SIL1: variants seen among roughly 807,000 people sequenced by gnomAD.
SIL1 encodes SIL1 nucleotide exchange factor, also known as nucleotide exchange factor SIL1.
SIL1 carries 40 observed loss-of-function variants against 49.1 expected under a neutral mutation model. The observed-to-expected ratio is 0.81, with a 90% CI of 0.63 to 1.06. The LOEUF (loss-of-function observed/expected upper bound fraction) is 1.06, where lower values mean the gene tolerates loss of function less well. SIL1 is among the 50% of genes least tolerant of loss of function. The probability of loss-of-function intolerance (pLI) is 0.00; values close to 1 mark genes in which losing one functional copy is unlikely to be tolerated. For missense variants in SIL1, 500 were observed against 572.6 expected (o/e 0.87, Z 1.29); for synonymous variants, 253 against 250.8 (o/e 1.01, Z -0.08).
At chr5:139,076,615 G>A (rs1011977709) in intron 3 of SIL1, among the ~76,000 whole-genome samples, 1 of 152,112 alleles carries the variant, frequency 6.6e-6, no homozygotes. Context: ...CAATTTGGAG[G>A]AGTAAATCTG....
intron 7 of SIL1, among the ~76,000 whole-genome samples, chr5:138,991,541 G>A (rs1366035412): frequency 1.3e-5 from 2 of 152,158 alleles, no homozygotes; most frequent in Admixed American, 6.5e-5. Context: ...CCCTAAAAAA[G>A]CCCCAAGACT....
intron 7 of SIL1, among the ~76,000 whole-genome samples, chr5:139,015,982 G>A (rs1044145362): frequency 1.4e-4 from 22 of 152,188 alleles, no homozygotes; most frequent in Non-Finnish European, 1.6e-4. Flanking sequence ...CAGCCACTCA[G>A]AAAGCTGGGG....
intron 1 of SIL1, 119 bp from the exon 2 acceptor site, chr5:139,127,972 A>G (rs1750787188): frequency 1.4e-6 from 1 of 719,462 alleles, no homozygotes; most frequent in Non-Finnish European, 2.5e-6. Context: ...ATAGAGGTAT[A>G]ACGAGTCTTC....
intron 1 of SIL1, 94 bp downstream of exon 1, chr5:139,198,175 G>C (rs1281555734): frequency 6.6e-6 from 1 of 152,344 alleles, no homozygotes; most frequent in Non-Finnish European, 1.5e-5. Context: ...GAACACTGCT[G>C]GGAAGGCGCC....
chr5:139,112,703 C>T (rs1287962679), intron 3 of SIL1, among the ~76,000 whole-genome samples: 10 of 149,104 alleles, frequency 6.7e-5, no homozygotes, highest in South Asian at 6.4e-4. Flanking sequence ...GCCCGGCCGC[C>T]GCCCCGTGCG....
At chr5:139,077,138 A>G (rs1172995516) in intron 3 of SIL1, among the ~76,000 whole-genome samples, 3 of 152,176 alleles carry the variant, frequency 2.0e-5, no homozygotes, top group Non-Finnish European at 4.4e-5. Flanking sequence ...CATCTCAAAA[A>G]AGAAAAAGCA....
At chr5:139,003,116 G>A (rs1581020587) in intron 7 of SIL1, among the ~76,000 whole-genome samples, 1 of 152,074 alleles carries the variant, frequency 6.6e-6, no homozygotes, top group African/African-American at 2.4e-5. Context: ...CTCAGGAGCT[G>A]GGGAAAGGCA....
chr5:139,095,031 A>G (rs1309506786), intron 3 of SIL1, among the ~76,000 whole-genome samples: 1 of 152,168 alleles, frequency 6.6e-6, no homozygotes, highest in African/African-American at 2.4e-5. Flanking sequence ...CCTTTGTCTC[A>G]TCATACCATA....
chr5:138,977,748 G>A (rs1767423624), intron 7 of SIL1, among the ~76,000 whole-genome samples: 1 of 152,112 alleles, frequency 6.6e-6, no homozygotes, highest in African/African-American at 2.4e-5. Context: ...GTTCACCTAG[G>A]TCTCTAGGTG....
At chr5:138,992,524 A>G (rs1181350470) in intron 7 of SIL1, among the ~76,000 whole-genome samples, 1 of 152,214 alleles carries the variant, frequency 6.6e-6, no homozygotes, top group African/African-American at 2.4e-5. Context: ...CCTTTCTCAT[A>G]TCCACAGCAT....
intron 1 of SIL1, among the ~76,000 whole-genome samples, chr5:139,174,832 G>A (rs1301183612): frequency 1.3e-5 from 2 of 150,684 alleles, no homozygotes; most frequent in African/African-American, 4.9e-5. Flanking sequence ...CAGCTACTCA[G>A]GAGGCTGAGC....
intron 3 of SIL1, among the ~76,000 whole-genome samples, chr5:139,057,462 C>G (rs1438669240): frequency 6.6e-6 from 1 of 151,976 alleles, no homozygotes; most frequent in Non-Finnish European, 1.5e-5. Flanking sequence ...AATGAGGAGG[C>G]AGGGAGGACT....
chr5:139,026,033 T>C (rs1421558569), intron 6 of SIL1, among the ~76,000 whole-genome samples: 2 of 152,148 alleles, frequency 1.3e-5, no homozygotes, highest in African/African-American at 2.4e-5. Flanking sequence ...CCAACCCCAA[T>C]CATCCTATAA....
At chr5:139,072,529 A>G (rs895971750) in intron 3 of SIL1, among the ~76,000 whole-genome samples, 1 of 152,192 alleles carries the variant, frequency 6.6e-6, no homozygotes, top group African/African-American at 2.4e-5. Context: ...GACCCTTGGT[A>G]TATTTGTCAT....
At chr5:138,957,022 A>G (rs1766918001) in intron 7 of SIL1, among the ~76,000 whole-genome samples, 1 of 152,028 alleles carries the variant, frequency 6.6e-6, no homozygotes, top group Non-Finnish European at 1.5e-5. Flanking sequence ...GTAAGCAACT[A>G]TGAGACACCC....
At chr5:139,055,953 A>G (rs954650902) in intron 3 of SIL1, among the ~76,000 whole-genome samples, 3 of 152,014 alleles carry the variant, frequency 2.0e-5, no homozygotes, top group Non-Finnish European at 2.9e-5. Flanking sequence ...GATTGCAGAC[A>G]GAGTCTCCTT....
At chr5:139,023,654 G>A (rs895977445) in intron 6 of SIL1, among the ~76,000 whole-genome samples, 3 of 152,318 alleles carry the variant, frequency 2.0e-5, no homozygotes, top group Non-Finnish European at 4.4e-5. Context: ...GGTCCTTGGA[G>A]CCTACAGCTC....
chr5:139,084,529 C>T (rs1770166061), intron 3 of SIL1, among the ~76,000 whole-genome samples: 1 of 106,662 alleles, frequency 9.4e-6, no homozygotes, highest in African/African-American at 3.7e-5. Flanking sequence ...TAAACTATCG[C>T]AAGAACAAAA....
At chr5:139,111,506 TC>T (rs1030995788) in intron 3 of SIL1, among the ~76,000 whole-genome samples, 2 of 152,090 alleles carry the variant, frequency 1.3e-5, no homozygotes, top group African/African-American at 4.8e-5. Context: ...TCCTTCAGTG[TC>T]CTCTGCATTC....
Sources: allele counts gnomAD v4.1 joint callset (sites outside exome capture counted in the v4.1 genomes callset), GRCh38; gene constraint gnomAD v4.1.1; transcripts MANE v1.5; gene names NCBI Gene and HGNC (gene_info 2026-07-23, HGNC 2026-07-21).